Variants in PCDHA9 observed in about 807,000 individuals in gnomAD.
PCDHA9 encodes protocadherin alpha 9, also known as protocadherin alpha-9.
Under a neutral mutation model 62.0 loss-of-function variants are expected in PCDHA9, and 62 were observed. That is an observed-to-expected ratio of 1.00 (90% confidence interval 0.81 to 1.23). PCDHA9 has a LOEUF of 1.23. PCDHA9 is among the 50% of genes most tolerant of loss of function. PCDHA9 has a pLI of 0.00. For missense variants in PCDHA9, 1,205 were observed against 1,249.8 expected (o/e 0.96, Z 0.54); for synonymous variants, 557 against 567.6 (o/e 0.98, Z 0.27).
chr5:140,939,562 G>C (rs1584985766), intron 1 of PCDHA9, among the ~76,000 whole-genome samples: 1 of 152,158 alleles, frequency 6.6e-6, no homozygotes, highest in Middle Eastern at 3.4e-3. Flanking sequence ...TATTAGTTTG[G>C]TTAATCAAAA....
At position 140,858,183 on chromosome 5, in the gene PCDHA9, C is replaced by T. The variant is rs1417282608; in HGVS notation, c.2394+7294C>T. The T allele has an allele frequency of 1.1e-5, 17 of 1,597,392 alleles. 4 individuals carry two copies. The highest frequency in any genetic ancestry group is 5.5e-5 in the South Asian group (5 of 90,536). On this transcript the variant is annotated intron_variant, in intron 1 of 3. Transcript: ENST00000532602. ...GCGGTGTCCAGCTTGCTGGTGCTCA[C>T]GCTGCTGCTGTACACTGCACTGAGG...
Position 140,857,574 on chromosome 5 carries a change from T to G in PCDHA9, c.2394+6685T>G, listed in dbSNP as rs1452756689. On this transcript the variant is annotated intron_variant, in intron 1 of 3. Coordinates refer to ENST00000532602, the MANE Select transcript of PCDHA9 (RefSeq NM_031857.2). ...CGCTCGCTGTCGAGCTACGTGTCGGTGCACGCGGAGAGCGGCAAGGTGTAC... is the reference window on the plus strand; with the variant it reads ...CGCTCGCTGTCGAGCTACGTGTCGGGGCACGCGGAGAGCGGCAAGGTGTAC... 26 of 1,596,616 alleles carry G rather than the reference T, an allele frequency of 1.6e-5. 3 individuals carry two copies. Among genetic ancestry groups the G allele is most frequent in the Non-Finnish European group, 2.1e-5 (25 of 1,167,676 alleles).
At chr5:140,928,641 G>A in intron 1 of PCDHA9, 1 of 1,614,196 alleles carries the variant, frequency 6.2e-7, no homozygotes, top group Non-Finnish European at 8.5e-7. Context: ...TCACAAAAGT[G>A]GTAGCAGAGG....
chr5:140,977,839 C>G (rs1400370638), intron 1 of PCDHA9, among the ~76,000 whole-genome samples: 1 of 152,176 alleles, frequency 6.6e-6, no homozygotes, highest in South Asian at 2.1e-4. Context: ...ATTGATATTA[C>G]TATGGCTTTG....
At chr5:140,888,213 T>A (rs1460298215) in intron 1 of PCDHA9, among the ~76,000 whole-genome samples, 1 of 152,170 alleles carries the variant, frequency 6.6e-6, no homozygotes, top group East Asian at 1.9e-4. Context: ...CTGGATTTTG[T>A]GTGTGTGTGC....
intron 1 of PCDHA9, among the ~76,000 whole-genome samples, chr5:140,873,367 A>G (rs782242904): frequency 2.0e-5 from 3 of 152,174 alleles, no homozygotes; most frequent in Non-Finnish European, 2.9e-5. Context: ...GAATAACTGA[A>G]GATCTTTTAA....
At chr5:140,958,098 G>A (rs1170347696) in intron 1 of PCDHA9, among the ~76,000 whole-genome samples, 4 of 152,088 alleles carry the variant, frequency 2.6e-5, no homozygotes, top group South Asian at 2.1e-4. Context: ...ACAATAGTGT[G>A]TAGAGTGTGG....
intron 1 of PCDHA9, among the ~76,000 whole-genome samples, chr5:140,947,415 G>C (rs116670354): frequency 0.021 from 3,167 of 151,674 alleles, 64 homozygotes; most frequent in Admixed American, 0.045. Flanking sequence ...TGATATTGTA[G>C]CTTTATAAAT....
intron 1 of PCDHA9, chr5:140,884,043 C>A (rs1196406346): frequency 6.2e-7 from 1 of 1,613,248 alleles, no homozygotes; most frequent in African/African-American, 1.3e-5. Flanking sequence ...CACGTGGTGG[C>A]GAAGGTGCGC....
intron 3 of PCDHA9, among the ~76,000 whole-genome samples, chr5:140,995,211 A>G (rs529613370): frequency 2.6e-5 from 4 of 152,188 alleles, no homozygotes; most frequent in Non-Finnish European, 4.4e-5. Context: ...ATTAGGCACA[A>G]TACTCTTGTG....
chr5:140,871,060 C>T (rs782751973), intron 1 of PCDHA9: 4 of 1,613,210 alleles, frequency 2.5e-6, no homozygotes, highest in Non-Finnish European at 3.4e-6. Context: ...GGTGAAGGAT[C>T]ACGGTGAGCC....
chr5:140,889,067 C>T (rs1169049844), intron 1 of PCDHA9, among the ~76,000 whole-genome samples: 1 of 151,942 alleles, frequency 6.6e-6, no homozygotes, highest in Admixed American at 6.6e-5. Flanking sequence ...TAATATACTA[C>T]TTATTTTGTT....
chr5:140,976,644 A>G (rs1487728765), intron 1 of PCDHA9, among the ~76,000 whole-genome samples: 1 of 152,228 alleles, frequency 6.6e-6, no homozygotes, highest in Admixed American at 6.5e-5. Context: ...CAGACAAGTA[A>G]TTTAATCTCT....
chr5:141,009,545 A>G, intron 3 of PCDHA9, 82 bp from the exon 4 acceptor site: 2 of 1,535,938 alleles, frequency 1.3e-6, no homozygotes, highest in Non-Finnish European at 1.8e-6. Flanking sequence ...CTGCCTATGC[A>G]GTACTCCTGT....
chr5:140,871,504 C>G (rs782640295), intron 1 of PCDHA9: 2 of 1,581,824 alleles, frequency 1.3e-6, no homozygotes, highest in African/African-American at 1.3e-5. Context: ...GGTGAGTTTT[C>G]TACAGATTCC....
Position 141,010,530 on chromosome 5 carries a change from A to T in PCDHA9, c.*593A>T, listed in dbSNP as rs188140091. 45 of 414,090 alleles carry T rather than the reference A, an allele frequency of 1.1e-4. No homozygotes were observed. In the Admixed American group the frequency reaches 1.6e-3, roughly 15 times the overall value. The allele number at this position is 414,090 out of a possible 1,614,324, so 25.7% of individuals were successfully genotyped here. On this transcript the variant is annotated 3_prime_UTR_variant, in exon 4 of 4. Coordinates refer to ENST00000532602, the MANE Select transcript of PCDHA9 (RefSeq NM_031857.2). ...TCTTACAACTCAAGAGGTGGCAGCC[A>T]CCCTCTAGGAGACAAAACTACCCCC... is the stretch of plus-strand genomic sequence containing the variant.
chr5:140,947,539 C>G (rs144026826), intron 1 of PCDHA9, among the ~76,000 whole-genome samples: 3 of 151,678 alleles, frequency 2.0e-5, no homozygotes, highest in Admixed American at 2.0e-4. Context: ...TCAATTTCTA[C>G]AAAGAATTCC....
intron 1 of PCDHA9, chr5:140,883,392 C>T (rs1554178015): frequency 1.9e-6 from 3 of 1,614,184 alleles, no homozygotes; most frequent in South Asian, 2.2e-5. Flanking sequence ...ATCAGTGTGT[C>T]CGATCGTGAC....
At chr5:140,871,654 A>G in intron 1 of PCDHA9, 3 of 1,238,202 alleles carry the variant, frequency 2.4e-6, no homozygotes, top group East Asian at 2.6e-5. Context: ...CAAATGATAC[A>G]CATCTTCAGT....
Sources: allele counts gnomAD v4.1 joint callset (sites outside exome capture counted in the v4.1 genomes callset), GRCh38; gene constraint gnomAD v4.1.1; transcripts MANE v1.5; gene names NCBI Gene and HGNC (gene_info 2026-07-23, HGNC 2026-07-21).